Variants in ARHGEF7 observed in about 807,000 individuals in gnomAD.
The protein encoded by ARHGEF7 is Rho guanine nucleotide exchange factor 7.
A neutral mutation model predicts 109.8 loss-of-function variants in ARHGEF7; 33 were observed. The observed-to-expected ratio is 0.30, with a 90% CI of 0.23 to 0.40. ARHGEF7 has a LOEUF of 0.40. Among genes scored for constraint, ARHGEF7 ranks in the 10% least tolerant of loss-of-function variants. The pLI, the probability that ARHGEF7 is intolerant of heterozygous loss-of-function variation, is 1.00. For missense variants in ARHGEF7, 938 were observed against 1,098.5 expected (o/e 0.85, Z 2.07); for synonymous variants, 458 against 424.6 (o/e 1.08, Z -0.97).
At position 111,131,068 on chromosome 13, in the gene ARHGEF7, A is replaced by G. The variant is rs1307229411; in HGVS notation, c.165+15377A>G. Among the ~76,000 whole-genome samples the G allele has an allele frequency of 6.6e-6, 1 of 152,248 alleles. No homozygotes were observed. Among genetic ancestry groups the G allele is most frequent in the Admixed American group, 6.5e-5 (1 of 15,286 alleles). The stretch of plus-strand genomic sequence containing the variant: ...TTTTCAAATTTTTAAGGGAAGAATG[A>G]TATGATCAGTTCTGTGCTTTGAAAA... On this transcript the variant is annotated intron_variant, in intron 1 of 21. Coordinates refer to ENST00000646102, the MANE Select transcript of ARHGEF7 (RefSeq NM_001354046.2). This position sits in a 1 kb window ranked among gnomAD's most constrained non-coding sequence, Gnocchi z 4.4.
intron 1 of ARHGEF7, among the ~76,000 whole-genome samples, chr13:111,140,397 G>A (rs556665523): frequency 3.8e-4 from 58 of 152,320 alleles, no homozygotes; most frequent in African/African-American, 1.3e-3. Flanking sequence ...GTTTACATCA[G>A]GTCATCGGGG....
intron 19 of ARHGEF7, among the ~76,000 whole-genome samples, chr13:111,299,004 G>C (rs1394596731): frequency 6.6e-6 from 1 of 152,232 alleles, no homozygotes; most frequent in Admixed American, 6.5e-5. Context: ...CCAGGTGACA[G>C]AGCAGCACTT....
intron 19 of ARHGEF7, among the ~76,000 whole-genome samples, chr13:111,297,366 C>A (rs1032105042): frequency 3.9e-5 from 6 of 152,208 alleles, no homozygotes; most frequent in Admixed American, 3.9e-4. Context: ...ATCTGTGATA[C>A]AACATTTTCC....
At chr13:111,197,366 GC>G (rs976261870) in intron 2 of ARHGEF7, among the ~76,000 whole-genome samples, 46 of 152,100 alleles carry the variant, frequency 3.0e-4, no homozygotes, top group African/African-American at 9.9e-4. Flanking sequence ...GGATTTAGTG[GC>G]CCTTACCGAC....
At chr13:111,274,632 G>C in intron 10 of ARHGEF7, 99 bp from the exon 11 acceptor site, 1 of 576,182 alleles carries the variant, frequency 1.7e-6, no homozygotes, top group East Asian at 3.2e-5. Context: ...GTTAAGGGTT[G>C]AAAAGTGTTA....
chr13:111,279,777 T>C (rs1368325514), intron 13 of ARHGEF7, among the ~76,000 whole-genome samples: 1 of 152,270 alleles, frequency 6.6e-6, no homozygotes. Flanking sequence ...TTAGCACAAC[T>C]ACTTATTTTC....
chr13:111,237,005 C>T, intron 6 of ARHGEF7, among the ~76,000 whole-genome samples: 1 of 152,142 alleles, frequency 6.6e-6, no homozygotes, highest in Non-Finnish European at 1.5e-5. Flanking sequence ...AGGTTTCACT[C>T]TTGCCAGTGA....
At chr13:111,200,333 T>G (rs1277120269) in intron 2 of ARHGEF7, among the ~76,000 whole-genome samples, 4 of 152,224 alleles carry the variant, frequency 2.6e-5, no homozygotes, top group Non-Finnish European at 5.9e-5. Context: ...TAACTCATTT[T>G]TTTTTCTCTT....
At position 111,293,352 on chromosome 13, in the gene ARHGEF7, A is replaced by G. The variant is rs149784076; in HGVS notation, c.2311+1058A>G. The G allele has an allele frequency of 4.2e-4, 411 of 985,094 alleles. 3 individuals are homozygous for G. The African/African-American group carries it at 6.7e-3, about 16-fold the overall frequency. 61.0% of individuals were successfully genotyped at this position (985,094 alleles called of 1,614,324 possible). The stretch of plus-strand genomic sequence containing the variant: ...GTGAAACTCCATTTACAGCAACCCC[A>G]TAGTATAAAACCACAATGCCTCATT... On this transcript the variant is annotated intron_variant, in intron 19 of 21. Transcript: ENST00000646102.
intron 8 of ARHGEF7, among the ~76,000 whole-genome samples, chr13:111,261,053 G>A (rs1225488590): frequency 1.3e-5 from 2 of 151,918 alleles, no homozygotes; most frequent in Non-Finnish European, 2.9e-5. Flanking sequence ...TTTACTAAAA[G>A]GAAGACAGGA....
At chr13:111,289,257 C>T (rs930881824) in intron 18 of ARHGEF7, among the ~76,000 whole-genome samples, 2 of 152,228 alleles carry the variant, frequency 1.3e-5, no homozygotes, top group Non-Finnish European at 2.9e-5. Flanking sequence ...TGGTCTTGAA[C>T]TCCTGACCTC....
chr13:111,114,858 T>C (rs2066639885), upstream of ARHGEF7: 1 of 152,224 alleles, frequency 6.6e-6, no homozygotes, highest in African/African-American at 2.4e-5. Context: ...TGTTCCGTCA[T>C]GACCGGCTTG....
At chr13:111,288,310 A>G (rs2153620171) in intron 17 of ARHGEF7, 44 bp from the exon 18 acceptor site, 1 of 1,412,828 alleles carries the variant, frequency 7.1e-7, no homozygotes, top group Non-Finnish European at 9.9e-7. Context: ...GTTGCCCTAG[A>G]GGCCTTTCAG....
intron 5 of ARHGEF7, among the ~76,000 whole-genome samples, chr13:111,227,680 C>T (rs998467427): frequency 1.3e-5 from 2 of 152,200 alleles, no homozygotes; most frequent in East Asian, 1.9e-4. Context: ...CTGTGTACCC[C>T]GTTTGACTTA....
chr13:111,132,111 G>A (rs184968551), intron 1 of ARHGEF7, among the ~76,000 whole-genome samples: 15 of 152,320 alleles, frequency 9.8e-5, no homozygotes, highest in Admixed American at 5.9e-4. Context: ...GAGGGTCAGC[G>A]TGTTTTTCTT....
Position 111,293,103 on chromosome 13 carries a change from T to C in ARHGEF7, c.2311+809T>C, listed in dbSNP as rs1266124137. ...TCTGTTATAAGGCACATAGCAAGCC[T>C]GTACCACTCTACAGTAAAATCTCTA... On this transcript the variant is annotated intron_variant, in intron 19 of 21. Transcript: ENST00000646102. The C allele has an allele frequency of 3.0e-6, 3 of 985,324 alleles. No individual in the cohort carries two copies. The Admixed American group carries it at 1.8e-4, about 61-fold the overall frequency. 61.0% of individuals were successfully genotyped at this position (985,324 alleles called of 1,614,324 possible).
At chr13:111,165,360 C>T (rs1396062700) in intron 2 of ARHGEF7, among the ~76,000 whole-genome samples, 4 of 152,206 alleles carry the variant, frequency 2.6e-5, no homozygotes, top group Non-Finnish European at 5.9e-5. Context: ...TAAGTCTTTC[C>T]AGTGCAGCTG....
intron 1 of ARHGEF7, among the ~76,000 whole-genome samples, chr13:111,138,599 C>T (rs1378296311): frequency 6.6e-6 from 1 of 152,144 alleles, no homozygotes; most frequent in Non-Finnish European, 1.5e-5. Flanking sequence ...GTGGGTTTTG[C>T]CATCCTTAAA....
At chr13:111,259,076 C>T (rs1209680260) in intron 8 of ARHGEF7, among the ~76,000 whole-genome samples, 1 of 152,178 alleles carries the variant, frequency 6.6e-6, no homozygotes, top group Non-Finnish European at 1.5e-5. Flanking sequence ...GAATAGTGCA[C>T]CAGCTAGATT....
Sources: allele counts gnomAD v4.1 joint callset (sites outside exome capture counted in the v4.1 genomes callset), GRCh38; gene constraint gnomAD v4.1.1; non-coding constraint Gnocchi (gnomAD v3.1); transcripts MANE v1.5; gene names NCBI Gene and HGNC (gene_info 2026-07-23, HGNC 2026-07-21).